The following PARD3 variants were observed in gnomAD, a reference collection of about 807,000 sequenced individuals.
The protein encoded by PARD3 is partitioning defective 3 homolog.
A neutral mutation model predicts 155.4 loss-of-function variants in PARD3; 75 were observed. The observed-to-expected ratio is 0.48, with a 90% confidence interval of 0.40 to 0.58. The LOEUF is 0.58. PARD3 is among the 20% of genes least tolerant of loss of function. PARD3 has a pLI of 0.00. For missense variants in PARD3, 1,642 were observed against 1,721.7 expected (o/e 0.95, Z 0.82); for synonymous variants, 576 against 610.5 (o/e 0.94, Z 0.83).
At chr10:34,214,089 C>T (rs944586102) in intron 22 of PARD3, among the ~76,000 whole-genome samples, 3 of 151,350 alleles carry the variant, frequency 2.0e-5, no homozygotes, top group Admixed American at 6.6e-5. Context: ...TTTGTAGAGA[C>T]GGGGTTTTGC....
intron 22 of PARD3, among the ~76,000 whole-genome samples, chr10:34,141,621 A>C (rs899598285): frequency 6.6e-6 from 1 of 152,208 alleles, no homozygotes; most frequent in African/African-American, 2.4e-5. Flanking sequence ...TCATTTTATA[A>C]GCAACAAAAC....
chr10:34,776,726 G>C (rs1839572435), intron 1 of PARD3, among the ~76,000 whole-genome samples: 1 of 150,836 alleles, frequency 6.6e-6, no homozygotes, highest in African/African-American at 2.4e-5. Context: ...ATTGTGAGCA[G>C]AAAATTAGAA....
chr10:34,352,837 G>A (rs540490008), intron 14 of PARD3, among the ~76,000 whole-genome samples: 4 of 150,024 alleles, frequency 2.7e-5, no homozygotes, highest in African/African-American at 7.4e-5. Context: ...CCCTCTGCCC[G>A]GCTGCCCAGT....
chr10:34,247,328 C>T (rs1954019228), intron 22 of PARD3, among the ~76,000 whole-genome samples: 1 of 152,104 alleles, frequency 6.6e-6, no homozygotes, highest in African/African-American at 2.4e-5. Flanking sequence ...ATGGTGAAAC[C>T]TCATCTCTAC....
intron 2 of PARD3, among the ~76,000 whole-genome samples, chr10:34,640,156 GAC>G (rs1018242055): frequency 5.3e-5 from 8 of 152,170 alleles, no homozygotes; most frequent in African/African-American, 1.4e-4. Context: ...AGTGCACCAT[GAC>G]ACAGTGAGGC....
chr10:34,345,714 A>T (rs2134349154), intron 15 of PARD3: 1 of 985,416 alleles, frequency 1.0e-6, no homozygotes, highest in African/African-American at 1.7e-5. Flanking sequence ...TGATTTGTCA[A>T]GTTTCCTAAT....
chr10:34,574,069 T>C (rs1034813773), intron 2 of PARD3, among the ~76,000 whole-genome samples: 2 of 152,088 alleles, frequency 1.3e-5, no homozygotes, highest in Non-Finnish European at 2.9e-5. Flanking sequence ...TAAATTAATA[T>C]AGTATATTCT....
At chr10:34,650,484 T>C (rs543372613) in intron 2 of PARD3, among the ~76,000 whole-genome samples, 1 of 152,310 alleles carries the variant, frequency 6.6e-6, no homozygotes, top group Non-Finnish European at 1.5e-5. Flanking sequence ...GGGTGACGAA[T>C]AGGGTGTGCA....
chr10:34,168,024 G>T (rs534614637), intron 22 of PARD3, among the ~76,000 whole-genome samples: 1 of 151,440 alleles, frequency 6.6e-6, no homozygotes, highest in East Asian at 1.9e-4. Flanking sequence ...TTGAGCAAAG[G>T]TCGTGTCATA....
chr10:34,382,590 C>A lies in PARD3; in HGVS notation c.1349G>T (p.Gly450Val). Reference protein sequence around the residue: ...QNVFSTTVSSGYNTKKIGKRL... With the variant: ...QNVFSTTVSSVYNTKKIGKRL... ...CTTGCCTATTTTTTTGGTGTTATAACCACTGCTTACAGTCGTACTAAATAC... is the reference window on the plus strand; with the variant it reads ...CTTGCCTATTTTTTTGGTGTTATAAACACTGCTTACAGTCGTACTAAATAC... The change falls in exon 9 of 25, where the codon GGT (glycine) becomes GTT (valine). Residue 450 changes from glycine to valine, a missense_variant. By Grantham distance (109) the Gly-to-Val change is moderately radical (BLOSUM62 -3). Around this residue, in one of 3 missense-constraint regions of PARD3, gnomAD observed 1,529 missense variants for 1,587.3 expected, o/e 0.96. Coordinates refer to ENST00000374788, the MANE Select transcript of PARD3 (RefSeq NM_001184785.2). 1 of 1,613,810 alleles carries A rather than the reference C, an allele frequency of 6.2e-7. No individual in the cohort carries two copies. Among genetic ancestry groups the A allele is most frequent in the East Asian group, 2.2e-5 (1 of 44,872 alleles).
At chr10:34,419,913 A>G (rs1470482995) in intron 5 of PARD3, among the ~76,000 whole-genome samples, 3 of 152,174 alleles carry the variant, frequency 2.0e-5, no homozygotes, top group African/African-American at 7.2e-5. Context: ...ATATTTCAAT[A>G]CCTAGGAATT....
In PARD3 at chr10:34,752,302, T is replaced by A. The variant is rs1413590313; in HGVS notation, c.121-55883A>T. Among the ~76,000 whole-genome samples, 3 of 151,724 alleles carry A rather than the reference T, an allele frequency of 2.0e-5. No individual in the cohort carries two copies. In the East Asian group the frequency reaches 5.8e-4, roughly 29 times the overall value. On this transcript the variant is annotated intron_variant, in intron 1 of 24. Coordinates refer to ENST00000374788, the MANE Select transcript of PARD3 (RefSeq NM_001184785.2). ...AAAAAAAAAAAAAGTAAGATAAAAA[T>A]TAAAAAGAAATATGTGATAAAGGCT...
Position 34,597,896 on chromosome 10 carries a change from G to A in PARD3, c.223-80737C>T, listed in dbSNP as rs564101105. ...AAATATCTGCTGTTGAAAGAAAAGCGGATTCTGATTTTTGCCACTGGGTGT... is the reference window on the plus strand; with the variant it reads ...AAATATCTGCTGTTGAAAGAAAAGCAGATTCTGATTTTTGCCACTGGGTGT... On this transcript the variant is annotated intron_variant, in intron 2 of 24. Coordinates refer to ENST00000374788, the MANE Select transcript of PARD3 (RefSeq NM_001184785.2). Among the ~76,000 whole-genome samples the A allele has an allele frequency of 3.3e-5, 5 of 152,210 alleles. No individual in the cohort carries two copies. In the East Asian group the frequency reaches 5.8e-4, roughly 18 times the overall value.
In PARD3 at chr10:34,712,153, T is replaced by A. The variant is rs115219050; in HGVS notation, c.121-15734A>T. 9.9e-3 allele frequency among the ~76,000 whole-genome samples: 1,502 copies of A among 152,218 alleles called. 30 individuals carry two copies. The highest frequency in any genetic ancestry group is 0.034 in the African/African-American group (1,421 of 41,508). ...GCCAACCCAGTTCTCCTCACTCTAGTCCCGATGGATCTAAGAGTGTGGAAG... is the reference window on the plus strand; with the variant it reads ...GCCAACCCAGTTCTCCTCACTCTAGACCCGATGGATCTAAGAGTGTGGAAG... On this transcript the variant is annotated intron_variant, in intron 1 of 24. Transcript: ENST00000374788.
At chr10:34,586,776 C>A (rs1590122186) in intron 2 of PARD3, among the ~76,000 whole-genome samples, 1 of 151,864 alleles carries the variant, frequency 6.6e-6, no homozygotes, top group East Asian at 1.9e-4. Context: ...GGCAGAGAAA[C>A]CCTGTCCCTA....
At chr10:34,555,214 G>A (rs2084894155) in intron 2 of PARD3, among the ~76,000 whole-genome samples, 1 of 152,148 alleles carries the variant, frequency 6.6e-6, no homozygotes, top group South Asian at 2.1e-4. Context: ...AAGTTTGTGG[G>A]GGAAAGGGAT....
intron 2 of PARD3, among the ~76,000 whole-genome samples, chr10:34,554,560 G>A (rs1344528382): frequency 6.6e-6 from 1 of 152,052 alleles, no homozygotes; most frequent in African/African-American, 2.4e-5. Context: ...TAAAAGGGAG[G>A]ATATAGATTT....
At chr10:34,405,073 AACACAAACACAC>A (rs869191783) in intron 5 of PARD3, among the ~76,000 whole-genome samples, 2,484 of 136,202 alleles carry the variant, frequency 0.018, 42 homozygotes, top group African/African-American at 0.049. Context: ...CCCCATCACA[AACACAAACACAC>A]ACACACACAC....
At chr10:34,742,828 G>A (rs563227458) in intron 1 of PARD3, among the ~76,000 whole-genome samples, 21 of 152,252 alleles carry the variant, frequency 1.4e-4, no homozygotes, top group African/African-American at 3.4e-4. Flanking sequence ...CATATTGATC[G>A]TGAAGAATCT....
Sources: gnomAD v4.1 joint callset for allele counts (sites outside exome capture counted in the v4.1 genomes callset) on GRCh38, gnomAD v4.1.1 for gene constraint, gnomAD v4.1.1 regional missense constraint, MANE v1.5 for transcripts, NCBI Gene and HGNC (gene_info 2026-07-23, HGNC 2026-07-21) for gene names.